GHR: variants seen among roughly 807,000 people sequenced by gnomAD.
The protein encoded by GHR is growth hormone receptor.
Under a neutral mutation model 67.1 loss-of-function variants are expected in GHR, and 35 were observed. The ratio of observed to expected loss-of-function variants is 0.52; its 90% confidence interval spans 0.40 to 0.69. The LOEUF (loss-of-function observed/expected upper bound fraction) is 0.69. Among genes scored for constraint, GHR ranks in the 30% least tolerant of loss-of-function variants. GHR has a pLI of 0.00. For synonymous variants in GHR, 272 were observed against 269.1 expected (o/e 1.01, Z -0.10); for missense variants, 792 against 764.6 (o/e 1.04, Z -0.42).
intron 1 of GHR, among the ~76,000 whole-genome samples, chr5:42,439,579 C>T (rs1743476878): frequency 6.6e-6 from 1 of 152,064 alleles, no homozygotes; most frequent in Non-Finnish European, 1.5e-5. Context: ...GGATATAGTA[C>T]TGTAAATTTA....
intron 4 of GHR, among the ~76,000 whole-genome samples, chr5:42,692,357 G>A (rs749926170): frequency 2.0e-5 from 3 of 151,880 alleles, no homozygotes; most frequent in Non-Finnish European, 4.4e-5. Flanking sequence ...AAGATAGTCT[G>A]GGAGCAAACC....
At chr5:42,689,616 T>G (rs1036217218) in intron 4 of GHR, among the ~76,000 whole-genome samples, 3 of 151,916 alleles carry the variant, frequency 2.0e-5, no homozygotes, top group African/African-American at 7.2e-5. Context: ...AAGTACAAAG[T>G]CCCTGAGGCA....
In GHR at chr5:42,649,483, A is replaced by C. The variant is rs1432790558; in HGVS notation, c.136+20380A>C. Among the ~76,000 whole-genome samples, 4 of 152,214 alleles carry C rather than the reference A, an allele frequency of 2.6e-5. No individual in the cohort carries two copies. The South Asian group carries it at 8.3e-4, about 31-fold the overall frequency. On this transcript the variant is annotated intron_variant, in intron 3 of 9. Coordinates refer to ENST00000230882, the MANE Select transcript of GHR (RefSeq NM_000163.5). The stretch of plus-strand genomic sequence containing the variant: ...TGAGAAAAATAAACTGAAGATAAAT[A>C]TTAATTATTAAAAGAGAAAATTATT...
Position 42,713,513 on chromosome 5 carries a change from A to G in GHR, c.869A>G (p.Gln290Arg). 7.5e-7 allele frequency: 1 copy of G among 1,324,888 alleles called. No homozygotes were observed. Among genetic ancestry groups the G allele is most frequent in the Non-Finnish European group, 1.1e-6 (1 of 922,268 alleles). The allele number at this position is 1,324,888 out of a possible 1,614,324, so 82.1% of individuals were successfully genotyped here. A position where few individuals can be genotyped will look rare whatever the true frequency, so the allele number is the denominator to read the frequency against. Reference protein sequence around the residue: ...VMLFVFLFSKQQRIKMLILPP... With the variant: ...VMLFVFLFSKRQRIKMLILPP... ...CTATTTGTATTCTTATTTTCTAAAC[A>G]GCAAAGGTAGGTGTGGAGTAGTATT... The change falls in exon 8 of 10, where the codon CAG (glutamine) becomes CGG (arginine). Residue 290 changes from glutamine (Q) to arginine (R), a missense_variant. Gln to Arg is a conservative substitution (Grantham distance 43). Coordinates refer to ENST00000230882, the MANE Select transcript of GHR (RefSeq NM_000163.5).
intron 1 of GHR, chr5:42,465,410 C>A: frequency 6.8e-7 from 1 of 1,476,892 alleles, no homozygotes; most frequent in South Asian, 1.1e-5. Flanking sequence ...TACTTTTGCC[C>A]AGTCCTTATT....
chr5:42,480,442 T>A (rs1745570983), intron 1 of GHR, among the ~76,000 whole-genome samples: 1 of 152,170 alleles, frequency 6.6e-6, no homozygotes, highest in African/African-American at 2.4e-5. Flanking sequence ...TGGGTATCCT[T>A]GTTAACTTTC....
chr5:42,427,881 A>G (rs1742922438), intron 1 of GHR, among the ~76,000 whole-genome samples: 1 of 152,172 alleles, frequency 6.6e-6, no homozygotes, highest in Non-Finnish European at 1.5e-5. Context: ...AAAGTTCTGA[A>G]ATGAACTCCT....
chr5:42,525,449 T>C (rs1747665904), intron 1 of GHR, among the ~76,000 whole-genome samples: 2 of 152,236 alleles, frequency 1.3e-5, no homozygotes, highest in Admixed American at 1.3e-4. Context: ...CTGTTGTATC[T>C]AGGAAGTAAC....
At chr5:42,626,011 T>C (rs199989266) in intron 2 of GHR, among the ~76,000 whole-genome samples, 2 of 151,566 alleles carry the variant, frequency 1.3e-5, no homozygotes, top group African/African-American at 4.9e-5. Context: ...ATAAAACCCA[T>C]CCTGATGAGA....
At chr5:42,566,015 G>GT (rs1561127295) in intron 2 of GHR, 71 bp downstream of exon 2, 1 of 1,539,912 alleles carries the variant, frequency 6.5e-7, no homozygotes, top group Non-Finnish European at 9.0e-7. Flanking sequence ...CTACATCCAA[G>GT]TTTTTTGGAT....
At chr5:42,638,951 C>T (rs113154075) in intron 3 of GHR, among the ~76,000 whole-genome samples, 114 of 152,242 alleles carry the variant, frequency 7.5e-4, no homozygotes, top group Non-Finnish European at 1.2e-3. Flanking sequence ...GCAACGGAAA[C>T]GTCACCTTTG....
At chr5:42,513,787 A>G (rs548212856) in intron 1 of GHR, among the ~76,000 whole-genome samples, 2 of 152,256 alleles carry the variant, frequency 1.3e-5, no homozygotes, top group African/African-American at 4.8e-5. Context: ...CGTCTCAAAA[A>G]AAAAAAGCTT....
chr5:42,513,686 G>A (rs1014888281), intron 1 of GHR, among the ~76,000 whole-genome samples: 13 of 152,094 alleles, frequency 8.5e-5, no homozygotes, highest in Admixed American at 3.3e-4. Flanking sequence ...GGATGCTGAG[G>A]CAGGAGAATC....
At chr5:42,537,364 G>A (rs1748302978) in intron 1 of GHR, among the ~76,000 whole-genome samples, 1 of 151,970 alleles carries the variant, frequency 6.6e-6, no homozygotes, top group South Asian at 2.1e-4. Context: ...TGTCTTTACT[G>A]TTGTTCAGTT....
At chr5:42,650,329 A>C (rs1172487043) in intron 3 of GHR, among the ~76,000 whole-genome samples, 2 of 152,098 alleles carry the variant, frequency 1.3e-5, no homozygotes. Context: ...TTTGCAAGCA[A>C]GGACAGGAAA....
chr5:42,521,568 A>G (rs1309007912), intron 1 of GHR, among the ~76,000 whole-genome samples: 1 of 152,224 alleles, frequency 6.6e-6, no homozygotes, highest in Non-Finnish European at 1.5e-5. Context: ...GTCACATTTT[A>G]GAAAGCTTTA....
chr5:42,665,695 A>G (rs1050457894), intron 3 of GHR, among the ~76,000 whole-genome samples: 3 of 151,944 alleles, frequency 2.0e-5, no homozygotes, highest in Non-Finnish European at 4.4e-5. Flanking sequence ...ATGTATACAC[A>G]TGTGACTAAC....
intron 1 of GHR, among the ~76,000 whole-genome samples, chr5:42,435,763 G>A (rs1167071768): frequency 1.3e-5 from 2 of 152,146 alleles, no homozygotes; most frequent in African/African-American, 4.8e-5. Flanking sequence ...CACTGCTTTT[G>A]ATTTTATGAT....
chr5:42,510,510 A>G (rs1373946049), intron 1 of GHR, among the ~76,000 whole-genome samples: 1 of 152,190 alleles, frequency 6.6e-6, no homozygotes, highest in East Asian at 1.9e-4. Context: ...GGTCTGCAAG[A>G]TGTACTTTGA....
Sources: allele counts gnomAD v4.1 joint callset (sites outside exome capture counted in the v4.1 genomes callset), GRCh38; gene constraint gnomAD v4.1.1; transcripts MANE v1.5; gene names NCBI Gene and HGNC (gene_info 2026-07-23, HGNC 2026-07-21).